The following BCAR3 variants were observed in gnomAD, a reference collection of about 807,000 sequenced individuals.
The protein encoded by BCAR3 is BCAR3 adaptor protein, NSP family member.
BCAR3 carries 37 observed loss-of-function variants against 80.1 expected under a neutral mutation model. The observed-to-expected ratio is 0.46, with a 90% CI of 0.36 to 0.61. BCAR3 has a LOEUF of 0.61. Among genes scored for constraint, BCAR3 ranks in the 20% least tolerant of loss-of-function variants. The pLI, the probability that BCAR3 is intolerant of heterozygous loss-of-function variation, is 0.00. For missense variants in BCAR3, 978 were observed against 1,068.2 expected (o/e 0.92, Z 1.18); for synonymous variants, 389 against 418.9 (o/e 0.93, Z 0.87).
chr1:93,695,752 T>C (rs1255044944), intron 3 of BCAR3, among the ~76,000 whole-genome samples: 2 of 152,250 alleles, frequency 1.3e-5, no homozygotes, highest in Non-Finnish European at 1.5e-5. Context: ...ACTTCTTCAG[T>C]GTATGATCCT....
intron 11 of BCAR3, among the ~76,000 whole-genome samples, chr1:93,565,447 T>C (rs566598680): frequency 6.6e-6 from 1 of 152,340 alleles, no homozygotes; most frequent in East Asian, 1.9e-4. Context: ...AGCAGATCTC[T>C]GCCTTTCCTG....
At chr1:93,786,480 G>C (rs932904467) in intron 2 of BCAR3, among the ~76,000 whole-genome samples, 1 of 152,174 alleles carries the variant, frequency 6.6e-6, no homozygotes, top group Admixed American at 6.5e-5. Context: ...CAGAGACAAA[G>C]CCATTCCTGC....
intron 3 of BCAR3, among the ~76,000 whole-genome samples, chr1:93,605,107 C>G (rs182784038): frequency 3.3e-5 from 5 of 152,274 alleles, no homozygotes; most frequent in Admixed American, 3.3e-4. Context: ...TACCTTCCGT[C>G]TAGATCAAAT....
chr1:93,672,186 T>C (rs1025687798), intron 2 of BCAR3, among the ~76,000 whole-genome samples: 3 of 152,182 alleles, frequency 2.0e-5, no homozygotes, highest in Non-Finnish European at 4.4e-5. Flanking sequence ...TAAGATCTTT[T>C]ACAGAAATAT....
In BCAR3 at chr1:93,722,528, G is replaced by T. The variant is rs1223341113; in HGVS notation, c.-62-16386C>A. ...GCAGGCAGCCACTAGAGGACTGTGG[G>T]GCTCTGAGGGACGCTATTTCTCCTC... On this transcript the variant is annotated intron_variant, in intron 2 of 13. Coordinates refer to the BCAR3 transcript ENST00000370244. Among the ~76,000 whole-genome samples the T allele has an allele frequency of 2.0e-5, 3 of 152,150 alleles. No individual in the cohort carries two copies. In the East Asian group the frequency reaches 5.8e-4, roughly 29 times the overall value.
chr1:93,770,478 T>C (rs1321862350), intron 2 of BCAR3, among the ~76,000 whole-genome samples: 1 of 152,036 alleles, frequency 6.6e-6, no homozygotes, highest in East Asian at 1.9e-4. Context: ...GTGACTCTAC[T>C]AGGAGGGAGC....
At position 93,587,691 on chromosome 1, in the gene BCAR3, AC is replaced by A. The variant is rs199611748; in HGVS notation, c.929+1285del. Among the ~76,000 whole-genome samples the A allele has an allele frequency of 2.2e-5, 3 of 137,400 alleles. No individual in the cohort carries two copies. The South Asian group carries it at 6.6e-4, about 30-fold the overall frequency. The allele number at this position is 137,400 out of a possible 152,430, so 90.1% of individuals were successfully genotyped here. On this transcript the variant is annotated intron_variant, in intron 5 of 11. Coordinates refer to ENST00000260502, the MANE Select transcript of BCAR3 (RefSeq NM_003567.4). ...GACAGTTTATGACATTTCCTCATGG[AC>A]CCCCCCGCCAAAAAAAAAAACCAGT...
chr1:93,721,268 A>G (rs1650392071), intron 2 of BCAR3, among the ~76,000 whole-genome samples: 1 of 151,930 alleles, frequency 6.6e-6, no homozygotes, highest in Non-Finnish European at 1.5e-5. Context: ...GTGGCTCAGA[A>G]TCCTTGGGAA....
chr1:93,804,285 A>G (rs1244574258), intron 2 of BCAR3, among the ~76,000 whole-genome samples: 1 of 152,230 alleles, frequency 6.6e-6, no homozygotes, highest in African/African-American at 2.4e-5. Flanking sequence ...CTCTTGTAAA[A>G]ATGAAATTTT....
chr1:93,672,574 C>T lies in BCAR3; in HGVS notation c.317+2040G>A, dbSNP rs573479427. ...GGCCAGAAGTTACCTGTCTTTGCTGCTCACCTCCTGCATTCTTGCCCCTTA... is the reference window on the plus strand; with the variant it reads ...GGCCAGAAGTTACCTGTCTTTGCTGTTCACCTCCTGCATTCTTGCCCCTTA... On this transcript the variant is annotated intron_variant, in intron 2 of 11. Coordinates refer to ENST00000260502, the MANE Select transcript of BCAR3 (RefSeq NM_003567.4). Among the ~76,000 whole-genome samples, 73 of 152,344 alleles carry T rather than the reference C, an allele frequency of 4.8e-4. 1 individual carries two copies. The highest frequency in any genetic ancestry group is 1.2e-3 in the Admixed American group (18 of 15,306).
At chr1:93,567,180 T>G (rs1254697914) in intron 11 of BCAR3, 99 bp downstream of exon 11, 2 of 1,391,832 alleles carry the variant, frequency 1.4e-6, no homozygotes, top group Non-Finnish European at 2.0e-6. Context: ...AATCCTTCCT[T>G]TTTGGTCTTT....
At chr1:93,621,261 C>T (rs1033462602) in intron 3 of BCAR3, among the ~76,000 whole-genome samples, 3 of 152,242 alleles carry the variant, frequency 2.0e-5, no homozygotes, top group Non-Finnish European at 4.4e-5. Flanking sequence ...AAGTGACGTA[C>T]TGGATAATTC....
At chr1:93,741,301 A>G (rs1651166213) in intron 2 of BCAR3, among the ~76,000 whole-genome samples, 1 of 152,156 alleles carries the variant, frequency 6.6e-6, no homozygotes, top group Non-Finnish European at 1.5e-5. Flanking sequence ...TTAATGCCTG[A>G]TACCTCCACA....
upstream of BCAR3, among the ~76,000 whole-genome samples, chr1:93,685,950 C>A (rs1648959906): frequency 6.6e-6 from 1 of 151,800 alleles, no homozygotes; most frequent in Non-Finnish European, 1.5e-5. Context: ...TGTTTTTCTA[C>A]CCATTTGTAG....
At position 93,576,137 on chromosome 1, in the gene BCAR3, G is replaced by A; in HGVS notation, c.1687-8C>T. 6.2e-7 allele frequency: 1 copy of A among 1,610,554 alleles called. No homozygotes were observed. The highest frequency in any genetic ancestry group is 2.2e-5 in the East Asian group (1 of 44,858). ...TCCAAGTATCCTAGCAACCTGTCAA[G>A]AGCCAAAGTTGAAATACACTGGATC... is the stretch of plus-strand genomic sequence containing the variant. On this transcript the variant is annotated splice_region_variant and splice_polypyrimidine_tract_variant and intron_variant, in intron 7 of 11. Transcript: ENST00000260502.
At chr1:93,622,753 C>G (rs565586462) in intron 3 of BCAR3, among the ~76,000 whole-genome samples, 1 of 152,302 alleles carries the variant, frequency 6.6e-6, no homozygotes, top group East Asian at 1.9e-4. Flanking sequence ...AGTCAACTGC[C>G]AAGCATAATG....
Position 93,614,233 on chromosome 1 carries a change from C to T in BCAR3, c.358-21840G>A, listed in dbSNP as rs538075367. 1.4e-5 allele frequency: 14 copies of T among 1,030,718 alleles called. No individual in the cohort carries two copies. The South Asian group carries it at 4.4e-4, about 32-fold the overall frequency. The allele number at this position is 1,030,718 out of a possible 1,614,324, so 63.8% of individuals were successfully genotyped here. A position where few individuals can be genotyped will look rare whatever the true frequency, so the allele number is the denominator to read the frequency against. Reference sequence around the variant, plus strand: ...GCTTTCTGATGAAATTCTAACCCCTCTTAGAAGAGGCCTTGGGCTTTAGCT... The same window carrying T: ...GCTTTCTGATGAAATTCTAACCCCTTTTAGAAGAGGCCTTGGGCTTTAGCT... On this transcript the variant is annotated intron_variant, in intron 3 of 11. Coordinates refer to ENST00000260502, the MANE Select transcript of BCAR3 (RefSeq NM_003567.4).
At chr1:93,562,968 C>A (rs1343023911) in intron 11 of BCAR3, among the ~76,000 whole-genome samples, 1 of 151,970 alleles carries the variant, frequency 6.6e-6, no homozygotes, top group South Asian at 2.1e-4. Flanking sequence ...CATTAAAAAA[C>A]AATAGAGTGA....
At chr1:93,813,986 T>G (rs2100808294) in intron 2 of BCAR3, among the ~76,000 whole-genome samples, 1 of 152,330 alleles carries the variant, frequency 6.6e-6, no homozygotes, top group South Asian at 2.1e-4. Flanking sequence ...CTGCCCCTGA[T>G]TTTGAGTTTA....
Sources: gnomAD v4.1 joint callset for allele counts (sites outside exome capture counted in the v4.1 genomes callset) on GRCh38, gnomAD v4.1.1 for gene constraint, MANE v1.5 for transcripts, NCBI Gene and HGNC (gene_info 2026-07-23, HGNC 2026-07-21) for gene names.